The following NR2C2 variants were observed in gnomAD, a reference collection of about 807,000 sequenced individuals.
The protein encoded by NR2C2 is Nuclear hormone receptor TR4.
In NR2C2, 6 loss-of-function variants were observed where a neutral mutation model predicts 62.9. That is an observed-to-expected ratio of 0.10 (90% CI 0.05 to 0.19). The LOEUF is 0.19. Ranked by LOEUF, NR2C2 falls within the 10% of genes least tolerant of loss-of-function variation. The pLI, the probability that NR2C2 is intolerant of heterozygous loss-of-function variation, is 1.00. For missense variants in NR2C2, 479 were observed against 762.7 expected (o/e 0.63, Z 4.38); for synonymous variants, 272 against 273.8 (o/e 0.99, Z 0.07).
rs1206927180 is a variant in NR2C2 at position 15,049,074 on chromosome 3, T to C, written c.*6066T>C. On this transcript the variant is annotated 3_prime_UTR_variant, in exon 14 of 14. Transcript: ENST00000425241. ...GGCATTTAAAAAATAGCATGTTCTT[T>C]TTAAACTGAATTTTATATCTAATCA... 6.5e-6 allele frequency: 1 copy of C among 152,674 alleles called. No homozygotes were observed. Among genetic ancestry groups the C allele is most frequent in the African/African-American group, 2.4e-5 (1 of 41,460 alleles). The allele number at this position is 152,674 out of a possible 1,614,324, so 9.5% of individuals were successfully genotyped here. A position where few individuals can be genotyped will look rare whatever the true frequency, so the allele number is the denominator to read the frequency against.
At position 14,953,087 on chromosome 3, in the gene NR2C2, A is replaced by G. The variant is rs115993135; in HGVS notation, c.-40+5181A>G. On this transcript the variant is annotated intron_variant, in intron 1 of 13. Coordinates refer to ENST00000425241, the MANE Select transcript of NR2C2 (RefSeq NM_001291694.2). Reference sequence around the variant, plus strand: ...GGTGAATTGTTAAGGACAGAAAGGGAATAGGCTAGCTCAGACACTTAACTG... The same window carrying G: ...GGTGAATTGTTAAGGACAGAAAGGGGATAGGCTAGCTCAGACACTTAACTG... Among the ~76,000 whole-genome samples, 229 of 152,290 alleles carry G rather than the reference A, an allele frequency of 1.5e-3. 1 individual carries two copies. Among genetic ancestry groups the G allele is most frequent in the African/African-American group, 5.0e-3 (208 of 41,546 alleles).
rs927415532 is a variant in NR2C2 at position 15,032,607 on chromosome 3, C to A, written c.1232+107C>A. On this transcript the variant is annotated intron_variant, in intron 10 of 13. Coordinates refer to ENST00000425241, the MANE Select transcript of NR2C2 (RefSeq NM_001291694.2). ...CTGTCTAGTTTGACTGTTTCTATGACCTCATTCAAAGGACCCTGAGTTTTT... is the reference window on the plus strand; with the variant it reads ...CTGTCTAGTTTGACTGTTTCTATGAACTCATTCAAAGGACCCTGAGTTTTT... 3.1e-5 allele frequency: 42 copies of A among 1,372,260 alleles called. No individual in the cohort carries two copies. The African/African-American group carries it at 5.2e-4, about 17-fold the overall frequency. 85.0% of individuals were successfully genotyped at this position (1,372,260 alleles called of 1,614,324 possible).
intron 1 of NR2C2, among the ~76,000 whole-genome samples, chr3:14,995,844 T>C (rs1177074118): frequency 6.6e-6 from 1 of 152,242 alleles, no homozygotes; most frequent in Non-Finnish European, 1.5e-5. Context: ...TAACATTTGT[T>C]ATCCTGCATC....
At chr3:14,959,744 G>A (rs557098347) in intron 1 of NR2C2, 5 of 152,146 alleles carry the variant, frequency 3.3e-5, no homozygotes, top group Non-Finnish European at 5.9e-5. Flanking sequence ...ACAAGGTGGG[G>A]GGCACTTGTC....
At chr3:14,985,433 C>T (rs1001430972) in intron 1 of NR2C2, among the ~76,000 whole-genome samples, 2 of 151,940 alleles carry the variant, frequency 1.3e-5, no homozygotes, top group South Asian at 2.1e-4. Context: ...CTTTTTGTTA[C>T]GTTTTAATTT....
At chr3:14,987,767 C>T (rs1309716776) in intron 1 of NR2C2, among the ~76,000 whole-genome samples, 1 of 152,208 alleles carries the variant, frequency 6.6e-6, no homozygotes, top group Non-Finnish European at 1.5e-5. Context: ...GCCTGGAACA[C>T]AGTGAGCAAT....
At chr3:14,980,830 G>A (rs2040345999) in intron 1 of NR2C2, among the ~76,000 whole-genome samples, 1 of 152,204 alleles carries the variant, frequency 6.6e-6, no homozygotes, top group African/African-American at 2.4e-5. Flanking sequence ...CATGCAATGA[G>A]CATTTTCAAG....
intron 13 of NR2C2, among the ~76,000 whole-genome samples, chr3:15,040,797 A>G (rs1005909447): frequency 1.1e-4 from 17 of 152,220 alleles, no homozygotes; most frequent in Middle Eastern, 3.2e-3. Context: ...AGAGAATGGG[A>G]CTGTCAGGGA....
chr3:15,008,198 C>T (rs944779116), intron 2 of NR2C2, among the ~76,000 whole-genome samples: 3 of 150,590 alleles, frequency 2.0e-5, no homozygotes, highest in African/African-American at 7.4e-5. Context: ...TAGATGTTAG[C>T]AAACAGTTTT....
chr3:15,032,349 C>G, intron 9 of NR2C2, 30 bp from the exon 10 acceptor site: 1 of 1,614,156 alleles, frequency 6.2e-7, no homozygotes, highest in Non-Finnish European at 8.5e-7. Flanking sequence ...CTTCCTTCAC[C>G]TCCTGTGCCA....
At chr3:15,008,221 T>G (rs1048944826) in intron 2 of NR2C2, among the ~76,000 whole-genome samples, 3 of 74,324 alleles carry the variant, frequency 4.0e-5, no homozygotes, top group African/African-American at 6.1e-5. Context: ...TGTTTGTTTG[T>G]TTTTTTTTTT....
At chr3:15,003,093 G>A (rs2041067053) in intron 1 of NR2C2, among the ~76,000 whole-genome samples, 2 of 150,132 alleles carry the variant, frequency 1.3e-5, no homozygotes, top group Non-Finnish European at 3.0e-5. Flanking sequence ...TTACAGGTGC[G>A]CACCATCGTG....
intron 1 of NR2C2, among the ~76,000 whole-genome samples, chr3:14,951,522 AT>A (rs1296991916): frequency 2.6e-5 from 4 of 152,010 alleles, no homozygotes; most frequent in Non-Finnish European, 4.4e-5. Flanking sequence ...TTGCTCAAAG[AT>A]TTTTGGTATC....
At chr3:14,976,544 T>C (rs2125311552) in intron 1 of NR2C2, among the ~76,000 whole-genome samples, 1 of 151,822 alleles carries the variant, frequency 6.6e-6, no homozygotes, top group Middle Eastern at 3.4e-3. Flanking sequence ...ACAGCTGTCA[T>C]CCTTTACTTC....
At chr3:15,010,232 A>G (rs1054960026) in intron 2 of NR2C2, among the ~76,000 whole-genome samples, 1 of 152,080 alleles carries the variant, frequency 6.6e-6, no homozygotes, top group Non-Finnish European at 1.5e-5. Context: ...GTCTTGCCTA[A>G]TGGTCACCCT....
chr3:14,997,929 T>C (rs1472119994), intron 1 of NR2C2, among the ~76,000 whole-genome samples: 1 of 152,048 alleles, frequency 6.6e-6, no homozygotes, highest in Non-Finnish European at 1.5e-5. Context: ...AAAACCCACA[T>C]CTCTTAGCAA....
chr3:14,964,465 T>A (rs2039778818), intron 1 of NR2C2, among the ~76,000 whole-genome samples: 1 of 151,908 alleles, frequency 6.6e-6, no homozygotes, highest in Non-Finnish European at 1.5e-5. Flanking sequence ...TTGTCATGCA[T>A]TTGGTATGAT....
chr3:15,047,281 G>C lies in NR2C2; in HGVS notation c.*4273G>C, dbSNP rs928542886. 6.6e-6 allele frequency: 1 copy of C among 152,264 alleles called. No homozygotes were observed. Among genetic ancestry groups the C allele is most frequent in the Admixed American group, 6.5e-5 (1 of 15,284 alleles). 9.4% of individuals were successfully genotyped at this position (152,264 alleles called of 1,614,324 possible). Reference sequence around the variant, plus strand: ...TCCTTTGGGTGAGCCTGCCTGGGAAGGGCCATGAAGTCAGAATCTCCACTC... The same window carrying C: ...TCCTTTGGGTGAGCCTGCCTGGGAACGGCCATGAAGTCAGAATCTCCACTC... On this transcript the variant is annotated 3_prime_UTR_variant, in exon 14 of 14. Coordinates refer to ENST00000425241, the MANE Select transcript of NR2C2 (RefSeq NM_001291694.2).
intron 7 of NR2C2, among the ~76,000 whole-genome samples, chr3:15,024,735 A>AT (rs2041774690): frequency 6.6e-6 from 1 of 151,902 alleles, no homozygotes; most frequent in South Asian, 2.1e-4. Flanking sequence ...AAGGAGGGGG[A>AT]TTTTTTCCAG....
Sources: gnomAD v4.1 joint callset for allele counts (sites outside exome capture counted in the v4.1 genomes callset) on GRCh38, gnomAD v4.1.1 for gene constraint, MANE v1.5 for transcripts, NCBI Gene and HGNC (gene_info 2026-07-23, HGNC 2026-07-21) for gene names.